BABAM2: variants seen among roughly 807,000 people sequenced by gnomAD.
BABAM2 encodes BRISC and BRCA1 A complex member 2.
In BABAM2, 31 loss-of-function variants were observed where a neutral mutation model predicts 54.7. That is an observed-to-expected ratio of 0.57 (90% CI 0.43 to 0.77). The LOEUF (loss-of-function observed/expected upper bound fraction) is 0.77. Ranked by LOEUF, BABAM2 falls within the 30% of genes least tolerant of loss-of-function variation. The pLI is 0.00. For missense variants in BABAM2, 364 were observed against 455.8 expected, an observed-to-expected ratio of 0.80 and a Z score of 1.83; for synonymous variants, 167 against 162.9, an observed-to-expected ratio of 1.03 and a Z score of -0.19.
intron 11 of BABAM2, among the ~76,000 whole-genome samples, chr2:28,335,158 T>A: frequency 4.7e-4 from 1 of 2,108 alleles, no homozygotes; most frequent in Non-Finnish European, 4.5e-3. Context: ...CACCTTCTTT[T>A]TTTTTTTTTT....
In BABAM2 at chr2:28,328,077, GT is replaced by G. The variant is rs1230356502; in HGVS notation, c.1089-10370del. Among the ~76,000 whole-genome samples the G allele has an allele frequency of 3.3e-5, 5 of 152,286 alleles. No homozygotes were observed. The South Asian group carries it at 1.0e-3, about 32-fold the overall frequency. The stretch of plus-strand genomic sequence containing the variant: ...CAGTTGTCACAGGGGCCTTTGGAGG[GT>G]TTGGGGTGAAGGACATTGAAACAGA... On this transcript the variant is annotated intron_variant, in intron 11 of 11. Transcript: ENST00000379624.
chr2:28,271,282 G>C (rs75075460), intron 10 of BABAM2, among the ~76,000 whole-genome samples: 2,533 of 152,296 alleles, frequency 0.017, 37 homozygotes, highest in Middle Eastern at 0.088. Context: ...GGTCGAGTGT[G>C]TTTGATTTGA....
intron 11 of BABAM2, among the ~76,000 whole-genome samples, chr2:28,323,553 G>A (rs1355363067): frequency 1.3e-5 from 2 of 152,224 alleles, no homozygotes; most frequent in Admixed American, 6.5e-5. Context: ...TGCAGATGAG[G>A]CATCTCTGGG....
chr2:28,283,111 C>T (rs1686516546), intron 10 of BABAM2, among the ~76,000 whole-genome samples: 1 of 151,296 alleles, frequency 6.6e-6, no homozygotes, highest in African/African-American at 2.4e-5. Context: ...CAAAGTCGTA[C>T]AGCTATTGTA....
At chr2:28,205,434 TAGAGGTCAC>T (rs76233733) in intron 7 of BABAM2, among the ~76,000 whole-genome samples, 36,741 of 151,746 alleles carry the variant, frequency 0.24, 5,603 homozygotes, top group Non-Finnish European at 0.35. Context: ...ACCCGAGAGG[TAGAGGTCAC>T]AGTGAGCTGA....
chr2:28,270,207 A>T (rs551281940), intron 10 of BABAM2, among the ~76,000 whole-genome samples: 15 of 152,134 alleles, frequency 9.9e-5, no homozygotes, highest in Middle Eastern at 3.4e-3. Context: ...CTGCTGCCTC[A>T]AACTCCTAGA....
At chr2:27,913,561 C>T (rs1666756465) in intron 2 of BABAM2, among the ~76,000 whole-genome samples, 1 of 152,122 alleles carries the variant, frequency 6.6e-6, no homozygotes, top group South Asian at 2.1e-4. Flanking sequence ...AGTAAAAAAT[C>T]AGAGGACATT....
chr2:28,095,901 G>C (rs1470600808), intron 6 of BABAM2, among the ~76,000 whole-genome samples: 2 of 152,170 alleles, frequency 1.3e-5, no homozygotes, highest in African/African-American at 2.4e-5. Flanking sequence ...TTTCTACCAA[G>C]TACTCTCTGT....
intron 6 of BABAM2, among the ~76,000 whole-genome samples, chr2:28,101,318 GT>G (rs902490833): frequency 1.6e-4 from 24 of 152,192 alleles, no homozygotes; most frequent in African/African-American, 5.3e-4. Context: ...ACACAACAGG[GT>G]TATGGCTGCC....
At chr2:28,086,578 T>C (rs1190868389) in intron 6 of BABAM2, among the ~76,000 whole-genome samples, 2 of 152,230 alleles carry the variant, frequency 1.3e-5, no homozygotes, top group African/African-American at 4.8e-5. Context: ...AGAGGTCTTC[T>C]TTTGCCTGAA....
chr2:28,313,420 T>C (rs1160448699), intron 11 of BABAM2, among the ~76,000 whole-genome samples: 4 of 152,236 alleles, frequency 2.6e-5, no homozygotes, highest in Non-Finnish European at 4.4e-5. Context: ...ACAGAACCTC[T>C]GGCACTTAGT....
At chr2:28,200,271 C>T (rs1304574427) in intron 7 of BABAM2, among the ~76,000 whole-genome samples, 1 of 152,228 alleles carries the variant, frequency 6.6e-6, no homozygotes, top group African/African-American at 2.4e-5. Flanking sequence ...CACTGATCAT[C>T]ATTCACCATT....
intron 4 of BABAM2, among the ~76,000 whole-genome samples, chr2:28,022,589 G>T (rs973588267): frequency 1.3e-5 from 2 of 151,878 alleles, no homozygotes; most frequent in Admixed American, 6.6e-5. Flanking sequence ...CTCATTTTTG[G>T]AATCCTTTTT....
chr2:28,059,934 G>C (rs990418342), intron 6 of BABAM2, among the ~76,000 whole-genome samples: 23 of 152,260 alleles, frequency 1.5e-4, no homozygotes, highest in African/African-American at 5.5e-4. Flanking sequence ...AATCATTTAA[G>C]GAAGAAATAG....
chr2:28,047,566 T>C (rs905957409), intron 6 of BABAM2, among the ~76,000 whole-genome samples: 2 of 152,108 alleles, frequency 1.3e-5, no homozygotes, highest in Non-Finnish European at 2.9e-5. Context: ...TGGCTCATAA[T>C]CTCATATTTA....
chr2:28,064,066 G>C (rs1358772307), intron 6 of BABAM2, among the ~76,000 whole-genome samples: 1 of 152,136 alleles, frequency 6.6e-6, no homozygotes, highest in Non-Finnish European at 1.5e-5. Context: ...CTGGATGAAG[G>C]GTTGGGATTT....
intron 3 of BABAM2, among the ~76,000 whole-genome samples, chr2:27,933,976 G>A (rs1235151756): frequency 6.7e-6 from 1 of 149,494 alleles, no homozygotes; most frequent in East Asian, 1.9e-4. Flanking sequence ...GCAAGTCCCT[G>A]ATATAAAAGG....
At chr2:28,333,560 C>T (rs546458296) in intron 11 of BABAM2, among the ~76,000 whole-genome samples, 3 of 152,224 alleles carry the variant, frequency 2.0e-5, no homozygotes, top group Admixed American at 6.5e-5. Flanking sequence ...CCAGTCCTTA[C>T]GTTTTCTTCT....
At chr2:28,316,452 T>C (rs1202099879) in intron 11 of BABAM2, among the ~76,000 whole-genome samples, 1 of 138,456 alleles carries the variant, frequency 7.2e-6, no homozygotes, top group Non-Finnish European at 1.6e-5. Context: ...GAGTCGGGGG[T>C]GAAGCAAGGA....
Sources: gnomAD v4.1 joint callset for allele counts (sites outside exome capture counted in the v4.1 genomes callset) on GRCh38, gnomAD v4.1.1 for gene constraint, MANE v1.5 for transcripts, NCBI Gene and HGNC (gene_info 2026-07-23, HGNC 2026-07-21) for gene names.